Variants in ANO4 observed in about 807,000 individuals in gnomAD.
ANO4 encodes anoctamin 4, also known as anoctamin-4.
ANO4 carries 69 observed loss-of-function variants against 141.9 expected under a neutral mutation model. That is an observed-to-expected ratio of 0.49 (90% confidence interval 0.40 to 0.59). The LOEUF is 0.59. Among genes scored for constraint, ANO4 ranks in the 20% least tolerant of loss-of-function variants. The pLI is 0.00. For synonymous variants in ANO4, 350 were observed against 394.3 expected (o/e 0.89, Z 1.33); for missense variants, 894 against 1,162.2 (o/e 0.77, Z 3.36).
chr12:101,089,712 A>G, intron 17 of ANO4, among the ~76,000 whole-genome samples: 1 of 152,242 alleles, frequency 6.6e-6, no homozygotes, highest in South Asian at 2.1e-4. Flanking sequence ...CTAAAACACC[A>G]AAAGCAATGG....
At chr12:100,949,211 C>T (rs554494699) in intron 5 of ANO4, among the ~76,000 whole-genome samples, 1 of 152,334 alleles carries the variant, frequency 6.6e-6, no homozygotes, top group African/African-American at 2.4e-5. Flanking sequence ...AAGCAGAGAA[C>T]CCAGCTCAGC....
At chr12:100,855,758 T>C (rs1237227123) in intron 1 of ANO4, among the ~76,000 whole-genome samples, 1 of 152,172 alleles carries the variant, frequency 6.6e-6, no homozygotes, top group African/African-American at 2.4e-5. Context: ...TACAGTGACA[T>C]TAGGAATAAA....
intron 2 of ANO4, among the ~76,000 whole-genome samples, chr12:100,738,607 G>T (rs1354755062): frequency 1.3e-5 from 2 of 151,916 alleles, no homozygotes; most frequent in Non-Finnish European, 2.9e-5. Context: ...GTTCCTTAGA[G>T]ACTTTTTATT....
At chr12:100,733,986 A>G in intron 2 of ANO4, 2 of 581,190 alleles carry the variant, frequency 3.4e-6, no homozygotes, top group Non-Finnish European at 3.1e-6. Context: ...TCAGAATCAG[A>G]GCAATTGCTT....
chr12:100,838,184 C>T (rs1420850446), intron 1 of ANO4, among the ~76,000 whole-genome samples: 5 of 137,748 alleles, frequency 3.6e-5, no homozygotes, highest in South Asian at 4.7e-4. Flanking sequence ...GAGCCGAGAT[C>T]GCTTCATTAC....
chr12:101,049,237 G>T (rs1196244020), intron 14 of ANO4, among the ~76,000 whole-genome samples: 5 of 152,068 alleles, frequency 3.3e-5, no homozygotes, highest in Non-Finnish European at 7.4e-5. Flanking sequence ...GAATTTTGAT[G>T]TAACAAAATT....
intron 5 of ANO4, among the ~76,000 whole-genome samples, chr12:100,955,258 G>A (rs747961141): frequency 6.6e-6 from 1 of 152,170 alleles, no homozygotes; most frequent in Admixed American, 6.5e-5. Context: ...GACAGCTTCC[G>A]TCTGCTCCAT....
chr12:101,065,755 A>G (rs1468762548), intron 14 of ANO4, among the ~76,000 whole-genome samples: 1 of 152,226 alleles, frequency 6.6e-6, no homozygotes, highest in East Asian at 1.9e-4. Context: ...TTCCAAACTC[A>G]TTCTATGAGT....
chr12:100,734,454 G>A (rs2031520439), intron 2 of ANO4, among the ~76,000 whole-genome samples: 1 of 152,152 alleles, frequency 6.6e-6, no homozygotes, highest in South Asian at 2.1e-4. Context: ...ATTCTAGAAT[G>A]TTGGGCAGTG....
intron 3 of ANO4, among the ~76,000 whole-genome samples, chr12:100,761,926 T>G (rs979897371): frequency 3.9e-5 from 6 of 152,150 alleles, no homozygotes; most frequent in Non-Finnish European, 8.8e-5. Flanking sequence ...TGCCCTTCTT[T>G]CTCTGCTTCT....
intron 14 of ANO4, chr12:101,068,777 G>T: frequency 7.9e-7 from 1 of 1,262,962 alleles, no homozygotes; most frequent in Non-Finnish European, 1.2e-6. Flanking sequence ...TGCTTACATA[G>T]CCTGGCTTTA....
At chr12:100,830,471 T>C (rs943512393) in intron 1 of ANO4, among the ~76,000 whole-genome samples, 3 of 152,080 alleles carry the variant, frequency 2.0e-5, no homozygotes, top group African/African-American at 4.8e-5. Context: ...AGTGTATTCG[T>C]TGAGTAAGAC....
intron 1 of ANO4, among the ~76,000 whole-genome samples, chr12:100,805,272 T>C (rs1484441743): frequency 6.6e-6 from 1 of 152,196 alleles, no homozygotes. Flanking sequence ...GGGTGTGGTC[T>C]TATTTCTGAG....
At chr12:100,894,732 C>T (rs1404328422) in intron 1 of ANO4, among the ~76,000 whole-genome samples, 6 of 151,768 alleles carry the variant, frequency 4.0e-5, no homozygotes, top group South Asian at 2.1e-4. Context: ...TTTGGGAGGC[C>T]GAGGCGGGCG....
intron 1 of ANO4, among the ~76,000 whole-genome samples, chr12:100,899,976 T>C (rs967092694): frequency 2.0e-5 from 3 of 152,204 alleles, no homozygotes; most frequent in Non-Finnish European, 4.4e-5. Context: ...GATTCAAACC[T>C]ACGCACTCTG....
At chr12:101,045,529 T>C (rs2063405990) in intron 13 of ANO4, among the ~76,000 whole-genome samples, 2 of 152,230 alleles carry the variant, frequency 1.3e-5, no homozygotes, top group Admixed American at 1.3e-4. Flanking sequence ...TTCATGGGAC[T>C]GTGGATACAC....
intron 3 of ANO4, among the ~76,000 whole-genome samples, chr12:100,777,121 C>A (rs1480285764): frequency 6.9e-6 from 1 of 143,912 alleles, no homozygotes; most frequent in Non-Finnish European, 1.5e-5. Flanking sequence ...GAGACAGAGT[C>A]TCACTTTGTC....
chr12:100,824,801 C>T (rs1349533964), intron 1 of ANO4, among the ~76,000 whole-genome samples: 1 of 151,952 alleles, frequency 6.6e-6, no homozygotes, highest in Admixed American at 6.6e-5. Context: ...AACCCCCATG[C>T]CATATATTTT....
chr12:100,967,616 A>T (rs1285825344), intron 5 of ANO4, among the ~76,000 whole-genome samples: 1 of 151,794 alleles, frequency 6.6e-6, no homozygotes, highest in African/African-American at 2.4e-5. Flanking sequence ...CAGAGGACTC[A>T]TAGATATTCA....
Sources: allele counts gnomAD v4.1 joint callset (sites outside exome capture counted in the v4.1 genomes callset), GRCh38; gene constraint gnomAD v4.1.1; transcripts MANE v1.5; gene names NCBI Gene and HGNC (gene_info 2026-07-23, HGNC 2026-07-21).